Variants in LIPI observed in about 807,000 individuals in gnomAD.
The protein encoded by LIPI is lipase member I.
Under a neutral mutation model 50.6 loss-of-function variants are expected in LIPI, and 59 were observed. The ratio of observed to expected loss-of-function variants is 1.16; its 90% CI spans 0.94 to 1.45. The LOEUF is 1.45. Ranked by LOEUF, LIPI falls within the 40% of genes most tolerant of loss-of-function variation. The pLI, the probability that LIPI is intolerant of heterozygous loss-of-function variation, is 0.00. For missense variants in LIPI, 586 were observed against 536.3 expected (o/e 1.09, Z -0.92); for synonymous variants, 203 against 178.2 (o/e 1.14, Z -1.11).
At chr21:14,179,161 C>T (rs920099990) in intron 4 of LIPI, among the ~76,000 whole-genome samples, 3 of 151,910 alleles carry the variant, frequency 2.0e-5, no homozygotes, top group African/African-American at 2.4e-5. Flanking sequence ...AATGTATGCC[C>T]TAATTATCTA....
rs559666420 is a variant in LIPI, at chr21:14,184,090, C to T, written c.541+1871G>A. 9.9e-5 allele frequency among the ~76,000 whole-genome samples: 15 copies of T among 152,110 alleles called. No homozygotes were observed. In the South Asian group the frequency reaches 2.5e-3, roughly 25 times the overall value. ...TGGAACCAACCTAAATGTCCAACAA[C>T]GATAGACCGGATTAAGAAAATGTGG... is the stretch of plus-strand genomic sequence containing the variant. On this transcript the variant is annotated intron_variant, in intron 3 of 9. Transcript: ENST00000681601.
chr21:14,137,308 A>G (rs1050657845), intron 9 of LIPI, among the ~76,000 whole-genome samples: 1 of 152,198 alleles, frequency 6.6e-6, no homozygotes. Flanking sequence ...TCAAAATAGC[A>G]GTGTTGAGGA....
At chr21:14,135,504 G>A (rs1212272447) in intron 9 of LIPI, among the ~76,000 whole-genome samples, 1 of 152,152 alleles carries the variant, frequency 6.6e-6, no homozygotes, top group Non-Finnish European at 1.5e-5. Context: ...CTAGGGGAAG[G>A]AGAACACAGC....
intron 9 of LIPI, among the ~76,000 whole-genome samples, chr21:14,124,905 G>T (rs953829333): frequency 1.1e-4 from 17 of 152,118 alleles, no homozygotes; most frequent in Non-Finnish European, 2.9e-5. Context: ...TGAGGCAGGA[G>T]AATTGCTTGA....
intron 9 of LIPI, among the ~76,000 whole-genome samples, chr21:14,139,441 TC>T (rs1289785964): frequency 6.6e-6 from 1 of 152,276 alleles, no homozygotes; most frequent in Non-Finnish European, 1.5e-5. Flanking sequence ...TTAAAATTGT[TC>T]CATGCCAATG....
intron 3 of LIPI, among the ~76,000 whole-genome samples, chr21:14,185,013 A>G (rs1381627565): frequency 3.3e-5 from 5 of 152,198 alleles, no homozygotes; most frequent in African/African-American, 4.8e-5. Context: ...TAAAGTTATT[A>G]TAAGTCTTCT....
Position 14,189,196 on chromosome 21 carries a change from T to G in LIPI, c.270A>C (p.Pro90=), listed in dbSNP as rs375866316. Residue 90 remains proline (P), a synonymous_variant, in exon 2 of 10, where the codon CCA becomes CCC. Transcript: ENST00000681601. The part of the protein sequence containing the change: ...IHGYRPVGSI[P]LWLQNFVRIL... ...TCCTTACGAAGTTCTGAAGCCATAA[T>G]GGGATGGAGCCTACTGGTCTGTATC... 6.2e-7 allele frequency: 1 copy of G among 1,614,168 alleles called. No homozygotes were observed. The highest frequency in any genetic ancestry group is 1.1e-5 in the South Asian group (1 of 91,088).
chr21:14,154,661 C>T (rs2018215027), intron 7 of LIPI, among the ~76,000 whole-genome samples: 1 of 151,918 alleles, frequency 6.6e-6, no homozygotes, highest in Admixed American at 6.6e-5. Flanking sequence ...CAACTTGTAG[C>T]TGTGACAGAG....
intron 7 of LIPI, among the ~76,000 whole-genome samples, chr21:14,161,023 G>C (rs909943441): frequency 1.3e-5 from 2 of 151,000 alleles, no homozygotes; most frequent in Non-Finnish European, 3.0e-5. Context: ...ATTTTAATTG[G>C]GATAATGTAA....
At chr21:14,171,279 G>A (rs921578881) in intron 4 of LIPI, among the ~76,000 whole-genome samples, 6 of 145,972 alleles carry the variant, frequency 4.1e-5, no homozygotes, top group African/African-American at 1.5e-4. Flanking sequence ...TCGTGAAAAT[G>A]GCCATACTGC....
intron 9 of LIPI, among the ~76,000 whole-genome samples, chr21:14,118,588 A>C (rs971445342): frequency 3.9e-5 from 6 of 152,194 alleles, no homozygotes; most frequent in Admixed American, 2.0e-4. Context: ...TGGTATTAAC[A>C]CTCACAATCC....
At chr21:14,161,116 T>C (rs1312214179) in intron 7 of LIPI, among the ~76,000 whole-genome samples, 1 of 151,188 alleles carries the variant, frequency 6.6e-6, no homozygotes, top group Non-Finnish European at 1.5e-5. Flanking sequence ...ATAACACTCC[T>C]GGGAATTTAT....
intron 1 of LIPI, among the ~76,000 whole-genome samples, chr21:14,210,424 TAAAC>T (rs1319022165): frequency 6.6e-6 from 1 of 152,008 alleles, no homozygotes; most frequent in African/African-American, 2.4e-5. Context: ...TAGAGCTAGT[TAAAC>T]AAATAAAATT....
intron 4 of LIPI, among the ~76,000 whole-genome samples, chr21:14,174,242 G>C (rs559206807): frequency 2.6e-5 from 4 of 152,244 alleles, no homozygotes; most frequent in African/African-American, 4.8e-5. Context: ...CAGATTGGGT[G>C]GGGGGCAGCT....
chr21:14,183,673 G>A (rs934976667), intron 3 of LIPI, among the ~76,000 whole-genome samples: 28 of 152,140 alleles, frequency 1.8e-4, no homozygotes, highest in African/African-American at 4.6e-4. Context: ...AAGGATATGA[G>A]CAGACACTTC....
chr21:14,201,769 C>G (rs966247569), intron 1 of LIPI, among the ~76,000 whole-genome samples: 6 of 152,150 alleles, frequency 3.9e-5, no homozygotes, highest in South Asian at 2.1e-4. Context: ...CCTTTGAAAA[C>G]TGGCACAAGA....
intron 4 of LIPI, among the ~76,000 whole-genome samples, chr21:14,167,271 A>G (rs2018723104): frequency 6.6e-6 from 1 of 152,198 alleles, no homozygotes; most frequent in South Asian, 2.1e-4. Flanking sequence ...TGTAGGCTCC[A>G]CCTCTAGGGG....
At chr21:14,184,487 T>A (rs939314503) in intron 3 of LIPI, among the ~76,000 whole-genome samples, 9 of 151,810 alleles carry the variant, frequency 5.9e-5, no homozygotes, top group Non-Finnish European at 1.3e-4. Flanking sequence ...AATAATAAAA[T>A]TTAAAAAAAA....
At chr21:14,118,204 A>T (rs1464296090) in intron 9 of LIPI, among the ~76,000 whole-genome samples, 1 of 152,110 alleles carries the variant, frequency 6.6e-6, no homozygotes, top group Admixed American at 6.6e-5. Context: ...GCCAATGACT[A>T]CCTTGAAGAC....
Sources: gnomAD v4.1 joint callset for allele counts (sites outside exome capture counted in the v4.1 genomes callset) on GRCh38, gnomAD v4.1.1 for gene constraint, MANE v1.5 for transcripts, NCBI Gene and HGNC (gene_info 2026-07-23, HGNC 2026-07-21) for gene names.